MYH2: variants seen among roughly 807,000 people sequenced by gnomAD.
The protein encoded by MYH2 is myosin-2.
Under a neutral mutation model 228.1 loss-of-function variants are expected in MYH2, and 139 were observed. That is an observed-to-expected ratio of 0.61 (90% CI 0.53 to 0.70). The LOEUF is 0.70. Ranked by LOEUF, MYH2 falls within the 30% of genes least tolerant of loss-of-function variation. MYH2 has a pLI of 0.00. For synonymous variants in MYH2, 796 were observed against 871.1 expected, an observed-to-expected ratio of 0.91 and a Z score of 1.52; for missense variants, 1,809 against 2,357.5, an observed-to-expected ratio of 0.77 and a Z score of 4.82.
chr17:10,545,642 GCAGCCC>G, intron 4 of MYH2, 140 bp from the exon 5 acceptor site: 1 of 1,183,848 alleles, frequency 8.4e-7, no homozygotes, highest in Non-Finnish European at 1.2e-6. Flanking sequence ...TCAGCTCACT[GCAGCCC>G]CAACCTCCCG....
Position 10,547,622 on chromosome 17 carries a change from G to C in MYH2, c.205-4C>G, listed in dbSNP as rs753150367. 15 of 1,614,164 alleles carry C rather than the reference G, an allele frequency of 9.3e-6. No homozygotes were observed. The East Asian group carries it at 3.3e-4, about 36-fold the overall frequency. On this transcript the variant is annotated splice_region_variant and splice_polypyrimidine_tract_variant and intron_variant, in intron 3 of 39. Coordinates refer to ENST00000245503, the MANE Select transcript of MYH2 (RefSeq NM_017534.6). ...GATCATCCTTCACTGTCAGAGTCTG[G>C]TAAACAGGAAAGATAACCGTTTACA...
Position 10,528,904 on chromosome 17 carries a change from A to T in MYH2, c.3530T>A (p.Phe1177Tyr). ...CTCCAGGTCCCTGCGCATTTTCTGG[A>T]ACTCAGCCTCCCGCTTCTTGTTCAT... ...IEMNKKREAEFQKMRRDLEEA... is the reference protein window; with the variant it reads ...IEMNKKREAEYQKMRRDLEEA... Residue 1177 changes from phenylalanine to tyrosine, a missense_variant, in exon 27 of 40, where the codon TTC becomes TAC. Coordinates refer to ENST00000245503, the MANE Select transcript of MYH2 (RefSeq NM_017534.6). 1 of 1,614,126 alleles carries T rather than the reference A, an allele frequency of 6.2e-7. No individual in the cohort carries two copies. The highest frequency in any genetic ancestry group is 1.1e-5 in the South Asian group (1 of 91,066).
At chr17:10,527,608 C>T in intron 28 of MYH2, 140 bp downstream of exon 28, 11 of 1,318,118 alleles carry the variant, frequency 8.3e-6, no homozygotes, top group Non-Finnish European at 7.6e-6. Flanking sequence ...TGACCTTGCA[C>T]ATAGGTCAGG....
chr17:10,527,029 T>C lies in MYH2; in HGVS notation c.3899A>G (p.Lys1300Arg), dbSNP rs780968451. 2 of 1,614,140 alleles carry C rather than the reference T, an allele frequency of 1.2e-6. No individual in the cohort carries two copies. Among genetic ancestry groups the C allele is most frequent in the Non-Finnish European group, 1.7e-6 (2 of 1,180,016 alleles). ...SGEFSRQLDEKEALVSQLSRG... is the reference protein window; with the variant it reads ...SGEFSRQLDEREALVSQLSRG... ...TGATAACTGAGACACCAGAGCTTCCTTTTCATCAAGCTGGCGTGAAAACTC... is the reference window on the plus strand; with the variant it reads ...TGATAACTGAGACACCAGAGCTTCCCTTTCATCAAGCTGGCGTGAAAACTC... The change falls in exon 29 of 40, where the codon AAG (lysine) becomes AGG (arginine). Residue 1300 changes from lysine (K) to arginine (R), a missense_variant. This residue lies in a region of MYH2 where 636 missense variants were observed against 729.9 expected (regional missense o/e 0.87). Transcript: ENST00000245503.
At chr17:10,533,679 A>G in intron 19 of MYH2, 47 bp from the exon 20 acceptor site, 1 of 1,597,118 alleles carries the variant, frequency 6.3e-7, no homozygotes, top group East Asian at 2.2e-5. Context: ...CTGATGACAC[A>G]AATGCTAGCT....
In MYH2 at chr17:10,527,842, C is replaced by T. The variant is rs1139429; in HGVS notation, c.3777G>A (p.Glu1259=). Residue 1259 remains glutamate, a synonymous_variant, in exon 28 of 40, where the codon GAG becomes GAA. Coordinates refer to ENST00000245503, the MANE Select transcript of MYH2 (RefSeq NM_017534.6). ...TTGATTTCAGTTCACTCAGTTGGTC[C>T]TCTAGAGTCCGGCACATTTTCTCTA... ...GNLEKMCRTL[E]DQLSELKSKE... The T allele has an allele frequency of 1.4e-5, 22 of 1,613,722 alleles. No individual in the cohort carries two copies. The highest frequency in any genetic ancestry group is 1.9e-5 in the Non-Finnish European group (22 of 1,180,006).
Position 10,539,374 on chromosome 17 carries a change from A to G in MYH2, c.1267-20T>C. On this transcript the variant is annotated intron_variant, in intron 13 of 39. Transcript: ENST00000245503. ...GGACACCTTAAAAGACAAAATTATA[A>G]CTCTCGAAGTTATTAAAGGCCTATG... The G allele has an allele frequency of 6.2e-7, 1 of 1,613,788 alleles. No individual in the cohort carries two copies.
rs2073305593 is a variant in MYH2 at position 10,523,204 on chromosome 17, T to C, written c.5578-19A>G. The C allele has an allele frequency of 1.2e-6, 2 of 1,609,612 alleles. No homozygotes were observed. Among genetic ancestry groups the C allele is most frequent in the Middle Eastern group, 1.7e-4 (1 of 6,054 alleles). On this transcript the variant is annotated intron_variant, in intron 38 of 39. Coordinates refer to ENST00000245503, the MANE Select transcript of MYH2 (RefSeq NM_017534.6). Reference sequence around the variant, plus strand: ...CTTCCGTCTGAAAGATTATAAAAAGTCCAGGACCTTAATTACTAAAGCACA... The same window carrying C: ...CTTCCGTCTGAAAGATTATAAAAAGCCCAGGACCTTAATTACTAAAGCACA...
chr17:10,521,268 A>G lies in MYH2; in HGVS notation c.*12T>C, dbSNP rs748935808. On this transcript the variant is annotated 3_prime_UTR_variant, in exon 40 of 40. Coordinates refer to ENST00000245503, the MANE Select transcript of MYH2 (RefSeq NM_017534.6). ...TGCCTGTCTTCAGTCATTCCATGGC[A>G]TCAGGACATGATCACTCTTCACTTA... The G allele has an allele frequency of 4.8e-5, 77 of 1,613,078 alleles. No individual in the cohort carries two copies. Among genetic ancestry groups the G allele is most frequent in the Non-Finnish European group, 6.3e-5 (74 of 1,179,962 alleles).
At chr17:10,526,346 C>G (rs1043797399) in intron 30 of MYH2, among the ~76,000 whole-genome samples, 22 of 152,200 alleles carry the variant, frequency 1.4e-4, no homozygotes, top group African/African-American at 5.3e-4. Context: ...TTGTGCTTGA[C>G]AAACAGCAAT....
chr17:10,522,578 G>T (rs890820975), intron 39 of MYH2, among the ~76,000 whole-genome samples: 1 of 151,430 alleles, frequency 6.6e-6, no homozygotes, highest in Non-Finnish European at 1.5e-5. Flanking sequence ...TTATTTATTG[G>T]ACTGTCTGTT....
Position 10,547,545 on chromosome 17 carries a change from A to G in MYH2, c.278T>C (p.Met93Thr), listed in dbSNP as rs1156771885. 1.2e-6 allele frequency: 2 copies of G among 1,614,182 alleles called. No homozygotes were observed. The highest frequency in any genetic ancestry group is 1.7e-5 in the Admixed American group (1 of 60,032). Residue 93 changes from methionine to threonine, a missense_variant, in exon 4 of 40, where the codon ATG becomes ACG. Coordinates refer to ENST00000245503, the MANE Select transcript of MYH2 (RefSeq NM_017534.6). ...AGCAGGCTCATGCAGATGAGTCATC[A>G]TGGCCATATCCTCGATCTTGTCATA... ...PKYDKIEDMA[M>T]MTHLHEPAVL...
intron 21 of MYH2, 63 bp downstream of exon 21, chr17:10,533,222 A>G: frequency 6.2e-7 from 1 of 1,606,450 alleles, no homozygotes; most frequent in South Asian, 1.1e-5. Context: ...CTGAGTCTTA[A>G]CTGTAAGCCA....
rs2073321127 is a variant in MYH2, at chr17:10,524,309, GT to G, written c.5175+156del. 6.6e-6 allele frequency among the ~76,000 whole-genome samples: 1 copy of G among 152,206 alleles called. No individual in the cohort carries two copies. The highest frequency in any genetic ancestry group is 1.5e-5 in the Non-Finnish European group (1 of 68,024). ...AACAATAGTTTTTCAAAGCAAAACA[GT>G]GAAAGATTTCTCAGTAATGCAGAAT... On this transcript the variant is annotated intron_variant, in intron 35 of 39. Coordinates refer to ENST00000245503, the MANE Select transcript of MYH2 (RefSeq NM_017534.6). This position sits in a 1 kb window ranked among gnomAD's most constrained non-coding sequence, Gnocchi z 4.7.
rs2073321156 is a variant in MYH2 at position 10,524,322 on chromosome 17, C to T, written c.5175+144G>A. The T allele has an allele frequency of 1.8e-6, 2 of 1,108,960 alleles. No individual in the cohort carries two copies. The highest frequency in any genetic ancestry group is 1.6e-5 in the African/African-American group (1 of 63,918). The allele number at this position is 1,108,960 out of a possible 1,614,324, so 68.7% of individuals were successfully genotyped here. On this transcript the variant is annotated intron_variant, in intron 35 of 39. Coordinates refer to ENST00000245503, the MANE Select transcript of MYH2 (RefSeq NM_017534.6). This position sits in a 1 kb window ranked among gnomAD's most constrained non-coding sequence, Gnocchi z 4.7. ...CAAAGCAAAACAGTGAAAGATTTCT[C>T]AGTAATGCAGAATTACTATTCTGTA...
Position 10,525,532 on chromosome 17 carries a change from C to T in MYH2, c.4456G>A (p.Glu1486Lys). The change falls in exon 32 of 40, where the codon GAG becomes AAG. Residue 1486 changes from glutamate to lysine, a missense_variant. Physicochemically the swap from Glu to Lys is moderately conservative, Grantham distance 56 (BLOSUM62 1). Around this residue, in one of 9 missense-constraint regions of MYH2, gnomAD observed 636 missense variants for 729.9 expected, o/e 0.87. Transcript: ENST00000245503. This position sits in a 1 kb window ranked among gnomAD's most constrained non-coding sequence, Gnocchi z 4.2. ...TAGGCATTCTTTATCTTGAACAGCT[C>T]AGTGCCAAGGGAACGGGCCTCCTTC... ...SQKEARSLGT[E>K]LFKIKNAYEE... 1 of 1,614,186 alleles carries T rather than the reference C, an allele frequency of 6.2e-7. No homozygotes were observed. Among genetic ancestry groups the T allele is most frequent in the African/African-American group, 1.3e-5 (1 of 75,044 alleles).
intron 39 of MYH2, among the ~76,000 whole-genome samples, chr17:10,522,556 A>T (rs1285732670): frequency 1.3e-5 from 2 of 151,898 alleles, no homozygotes; most frequent in African/African-American, 4.8e-5. Context: ...CTGTTTTATT[A>T]TTATTTATAA....
rs71139049 is a variant in MYH2, at chr17:10,546,256, GATATATAT to G, written c.349-762_349-755del. On this transcript the variant is annotated intron_variant, in intron 4 of 39. Transcript: ENST00000245503. ...GTTATAAGGAAACAGGACACGAAAT[GATATATAT>G]ATATATATATATATATATATATATA... is the stretch of plus-strand genomic sequence containing the variant. Among the ~76,000 whole-genome samples, 244 of 66,134 alleles carry G rather than the reference GATATATAT, an allele frequency of 3.7e-3. 8 individuals are homozygous for G. The highest frequency in any genetic ancestry group is 0.015 in the East Asian group (18 of 1,210). 43.4% of individuals were successfully genotyped at this position (66,134 alleles called of 152,430 possible). A position where few individuals can be genotyped will look rare whatever the true frequency, so the allele number is the denominator to read the frequency against.
At chr17:10,539,113 T>G (rs1293790509) in intron 14 of MYH2, 92 bp downstream of exon 14, 54 of 1,605,328 alleles carry the variant, frequency 3.4e-5, no homozygotes, top group Non-Finnish European at 4.3e-5. Context: ...TCTACAGTGG[T>G]AAGAAAAGGT....
Sources: gnomAD v4.1 joint callset for allele counts (sites outside exome capture counted in the v4.1 genomes callset) on GRCh38, gnomAD v4.1.1 for gene constraint, gnomAD v4.1.1 regional missense constraint, Gnocchi (gnomAD v3.1) non-coding constraint, MANE v1.5 for transcripts, NCBI Gene and HGNC (gene_info 2026-07-23, HGNC 2026-07-21) for gene names.